RGL1: variants seen among roughly 807,000 people sequenced by gnomAD.
RGL1 encodes the protein ral guanine nucleotide dissociation stimulator-like 1.
In RGL1, 24 loss-of-function variants were observed where a neutral mutation model predicts 95.2. The ratio of observed to expected loss-of-function variants is 0.25; its 90% CI spans 0.18 to 0.35. The LOEUF (loss-of-function observed/expected upper bound fraction) is 0.35. Among genes scored for constraint, RGL1 ranks in the 10% least tolerant of loss-of-function variants. The probability of loss-of-function intolerance (pLI) is 1.00; values close to 1 mark genes in which losing one functional copy is unlikely to be tolerated. For missense variants in RGL1, 715 were observed against 936.3 expected, an observed-to-expected ratio of 0.76 and a Z score of 3.08; for synonymous variants, 329 against 344.9, an observed-to-expected ratio of 0.95 and a Z score of 0.51.
chr1:183,763,463 T>G (rs1308204429), intron 2 of RGL1, among the ~76,000 whole-genome samples: 1 of 152,224 alleles, frequency 6.6e-6, no homozygotes, highest in African/African-American at 2.4e-5. Context: ...ACTTTTATAT[T>G]TACATATTGT....
At chr1:183,804,614 G>A (rs911375615), upstream of RGL1, among the ~76,000 whole-genome samples, 1 of 152,186 alleles carries the variant, frequency 6.6e-6, no homozygotes, top group Non-Finnish European at 1.5e-5. Flanking sequence ...TTGGGGTGGT[G>A]AAAAGCCCAG....
chr1:183,760,871 CA>C (rs1039893909), intron 2 of RGL1, among the ~76,000 whole-genome samples: 1 of 152,212 alleles, frequency 6.6e-6, no homozygotes, highest in Non-Finnish European at 1.5e-5. Flanking sequence ...GCCCATTCCT[CA>C]GGAGTAGATT....
At chr1:183,863,443 G>T (rs1334365707) in intron 3 of RGL1, among the ~76,000 whole-genome samples, 1 of 152,010 alleles carries the variant, frequency 6.6e-6, no homozygotes, top group Non-Finnish European at 1.5e-5. Context: ...AGCTGGGATT[G>T]CAGACATGTG....
At chr1:183,708,210 T>C (rs1162418615) in intron 1 of RGL1, among the ~76,000 whole-genome samples, 1 of 152,086 alleles carries the variant, frequency 6.6e-6, no homozygotes, top group Non-Finnish European at 1.5e-5. Context: ...AGAGGCTGCC[T>C]TTTGGAATGG....
intron 5 of RGL1, among the ~76,000 whole-genome samples, chr1:183,883,255 A>G (rs1666925898): frequency 1.3e-5 from 2 of 152,194 alleles, no homozygotes. Flanking sequence ...ATGCATTCTT[A>G]GCTTTGGGTG....
At chr1:183,852,140 C>G (rs1664861024) in intron 3 of RGL1, among the ~76,000 whole-genome samples, 1 of 152,152 alleles carries the variant, frequency 6.6e-6, no homozygotes, top group Non-Finnish European at 1.5e-5. Context: ...TTATTTCCCA[C>G]CGGAGAAGCT....
At chr1:183,897,670 G>C in intron 9 of RGL1, 138 bp from the exon 10 acceptor site, 1 of 600,332 alleles carries the variant, frequency 1.7e-6, no homozygotes, top group Non-Finnish European at 3.0e-6. Context: ...GTGAGAGCCT[G>C]CTGGAGGCCT....
chr1:183,725,009 G>C (rs764950784), intron 1 of RGL1, among the ~76,000 whole-genome samples: 5 of 151,980 alleles, frequency 3.3e-5, no homozygotes, highest in Non-Finnish European at 7.4e-5. Flanking sequence ...GGAGGAGAGA[G>C]AAAGAAACGG....
chr1:183,770,376 A>G (rs748821726), intron 2 of RGL1, among the ~76,000 whole-genome samples: 1 of 152,170 alleles, frequency 6.6e-6, no homozygotes, highest in Non-Finnish European at 1.5e-5. Context: ...AAAAGGGGTT[A>G]GGCAGCTGCC....
chr1:183,870,618 A>C (rs1666126156), intron 4 of RGL1, among the ~76,000 whole-genome samples: 1 of 152,148 alleles, frequency 6.6e-6, no homozygotes, highest in South Asian at 2.1e-4. Flanking sequence ...CATCCCTTCA[A>C]GCTTTCGGGC....
chr1:183,789,215 G>C (rs569984620), intron 2 of RGL1, among the ~76,000 whole-genome samples: 9 of 152,138 alleles, frequency 5.9e-5, no homozygotes, highest in African/African-American at 1.9e-4. Context: ...AGGCCGAGGC[G>C]GGTGGATCAC....
At chr1:183,878,779 G>T (rs1232197816) in intron 4 of RGL1, among the ~76,000 whole-genome samples, 1 of 152,116 alleles carries the variant, frequency 6.6e-6, no homozygotes, top group African/African-American at 2.4e-5. Context: ...GTTCTTTTCA[G>T]TGAAACACTG....
chr1:183,756,556 T>C (rs1658349465), intron 2 of RGL1, among the ~76,000 whole-genome samples: 1 of 152,220 alleles, frequency 6.6e-6, no homozygotes, highest in African/African-American at 2.4e-5. Context: ...TTTTTAGAAA[T>C]GCTAGTCTGT....
At chr1:183,768,353 C>T (rs1419559606) in intron 2 of RGL1, among the ~76,000 whole-genome samples, 2 of 151,780 alleles carry the variant, frequency 1.3e-5, no homozygotes, top group Non-Finnish European at 2.9e-5. Flanking sequence ...AATACATCTT[C>T]ATATCCATAA....
intron 1 of RGL1, among the ~76,000 whole-genome samples, chr1:183,669,581 G>C (rs903667464): frequency 6.6e-6 from 1 of 152,074 alleles, no homozygotes; most frequent in African/African-American, 2.4e-5. Flanking sequence ...TATAATTTTT[G>C]GTTAAAAGGT....
upstream of RGL1, among the ~76,000 whole-genome samples, chr1:183,802,967 G>A (rs12354342): frequency 2.0e-5 from 3 of 152,168 alleles, no homozygotes; most frequent in African/African-American, 7.2e-5. Context: ...CAAAGGTACA[G>A]GTAATAAGGT....
At chr1:183,804,429 C>G (rs1661156676), upstream of RGL1, among the ~76,000 whole-genome samples, 1 of 152,188 alleles carries the variant, frequency 6.6e-6, no homozygotes, top group African/African-American at 2.4e-5. Context: ...TGGTAGTCAT[C>G]TGATGAAGAA....
intron 2 of RGL1, among the ~76,000 whole-genome samples, chr1:183,820,036 C>T (rs540215036): frequency 3.3e-5 from 5 of 152,216 alleles, no homozygotes; most frequent in Admixed American, 6.5e-5. Context: ...ATCCTCCCAC[C>T]TTGGGCCCCT....
intron 2 of RGL1, among the ~76,000 whole-genome samples, chr1:183,784,843 C>T (rs1428959348): frequency 6.6e-6 from 1 of 152,180 alleles, no homozygotes; most frequent in East Asian, 1.9e-4. Flanking sequence ...GAGTCCTCAC[C>T]TGTAACAAAT....
Sources: allele counts gnomAD v4.1 joint callset (sites outside exome capture counted in the v4.1 genomes callset), GRCh38; gene constraint gnomAD v4.1.1; transcripts MANE v1.5; gene names NCBI Gene and HGNC (gene_info 2026-07-23, HGNC 2026-07-21).